RNF180: variants seen among roughly 807,000 people sequenced by gnomAD.
RNF180 encodes ring finger protein 180.
A neutral mutation model predicts 59.2 loss-of-function variants in RNF180; 38 were observed. The observed-to-expected ratio is 0.64, with a 90% CI of 0.50 to 0.84. The LOEUF (loss-of-function observed/expected upper bound fraction) is 0.84. Among genes scored for constraint, RNF180 ranks in the 40% least tolerant of loss-of-function variants. The pLI, the probability that RNF180 is intolerant of heterozygous loss-of-function variation, is 0.00. For synonymous variants in RNF180, 262 were observed against 240.3 expected (o/e 1.09, Z -0.84); for missense variants, 705 against 700.9 (o/e 1.01, Z -0.07).
At chr5:64,358,330 A>G (rs993236385) in intron 7 of RNF180, among the ~76,000 whole-genome samples, 18 of 152,000 alleles carry the variant, frequency 1.2e-4, no homozygotes, top group African/African-American at 3.9e-4. Flanking sequence ...TTCATTGGTC[A>G]AGTCCCATGG....
chr5:64,280,574 T>C (rs557036148), intron 5 of RNF180, among the ~76,000 whole-genome samples: 161 of 152,018 alleles, frequency 1.1e-3, no homozygotes, highest in Non-Finnish European at 1.9e-3. Flanking sequence ...CTTTTCCTCA[T>C]TGTTTTTTTT....
intron 7 of RNF180, among the ~76,000 whole-genome samples, chr5:64,331,756 C>G (rs1431234851): frequency 1.3e-5 from 2 of 152,152 alleles, no homozygotes; most frequent in Non-Finnish European, 2.9e-5. Flanking sequence ...CACCCCCGCC[C>G]CATGCTCGCC....
chr5:64,225,731 GC>G (rs1741688789), intron 5 of RNF180, among the ~76,000 whole-genome samples: 1 of 140,858 alleles, frequency 7.1e-6, no homozygotes, highest in South Asian at 2.3e-4. Context: ...GAAGTGAGGA[GC>G]GCCTCTGCCT....
intron 5 of RNF180, among the ~76,000 whole-genome samples, chr5:64,276,433 A>G (rs549215382): frequency 1.3e-5 from 2 of 151,870 alleles, no homozygotes; most frequent in Non-Finnish European, 2.9e-5. Context: ...AGAAAGGAAT[A>G]AAGCAGGAAA....
intron 5 of RNF180, among the ~76,000 whole-genome samples, chr5:64,218,087 T>C (rs566967075): frequency 6.6e-6 from 1 of 152,332 alleles, no homozygotes; most frequent in African/African-American, 2.4e-5. Context: ...TTTTATTCTC[T>C]TAATTTTTTT....
At chr5:64,326,623 T>G (rs1744656099) in intron 6 of RNF180, among the ~76,000 whole-genome samples, 2 of 152,198 alleles carry the variant, frequency 1.3e-5, no homozygotes, top group Non-Finnish European at 2.9e-5. Context: ...TTCATCCATA[T>G]TTCCGTGAAT....
chr5:64,329,447 C>CT lies in RNF180; in HGVS notation c.1454-825dup, dbSNP rs901482497. Among the ~76,000 whole-genome samples the CT allele has an allele frequency of 1.1e-4, 16 of 146,764 alleles. No individual in the cohort carries two copies. In the East Asian group the frequency reaches 1.6e-3, roughly 15 times the overall value. On this transcript the variant is annotated intron_variant, in intron 6 of 7. Coordinates refer to ENST00000389100, the MANE Select transcript of RNF180 (RefSeq NM_001113561.2). The stretch of plus-strand genomic sequence containing the variant: ...ATTGTGCATTAGTTAGATTTTTTTT[C>CT]TTTTTTTTTCTTTTTTTTTTTTTTT...
At chr5:64,321,145 A>G (rs1744326238) in intron 5 of RNF180, among the ~76,000 whole-genome samples, 1 of 152,118 alleles carries the variant, frequency 6.6e-6, no homozygotes, top group Non-Finnish European at 1.5e-5. Flanking sequence ...CCTATTCAAC[A>G]TAGTATTGGA....
chr5:64,176,531 C>G (rs1460924932), intron 1 of RNF180, among the ~76,000 whole-genome samples: 1 of 152,048 alleles, frequency 6.6e-6, no homozygotes, highest in Non-Finnish European at 1.5e-5. Flanking sequence ...TGTTTTCTTG[C>G]TTTCTTAGAT....
chr5:64,327,786 A>C (rs970918913), intron 6 of RNF180, among the ~76,000 whole-genome samples: 2 of 152,174 alleles, frequency 1.3e-5, no homozygotes, highest in Non-Finnish European at 1.5e-5. Flanking sequence ...TGCTAAGTCC[A>C]TTGGGTCTGT....
chr5:64,186,901 A>G lies in RNF180; in HGVS notation c.1-13907A>G, dbSNP rs554619837. 2.0e-3 allele frequency among the ~76,000 whole-genome samples: 309 copies of G among 152,212 alleles called. 2 individuals are homozygous for G. Among genetic ancestry groups the G allele is most frequent in the Non-Finnish European group, 3.8e-3 (255 of 67,982 alleles). On this transcript the variant is annotated intron_variant, in intron 1 of 7. Transcript: ENST00000389100. ...TACAACTCTCTTAATTCCGCATGCA[A>G]TTTCTACCTTTTCATATATTTTTCC...
At chr5:64,303,291 A>C (rs1178329074) in intron 5 of RNF180, among the ~76,000 whole-genome samples, 1 of 151,504 alleles carries the variant, frequency 6.6e-6, no homozygotes, top group Admixed American at 6.6e-5. Flanking sequence ...TAATAACCCT[A>C]CAGTGGTCTC....
chr5:64,261,982 G>T (rs548944693), intron 5 of RNF180, among the ~76,000 whole-genome samples: 6 of 152,100 alleles, frequency 3.9e-5, no homozygotes, highest in Admixed American at 1.3e-4. Flanking sequence ...CCAGAACAAA[G>T]CTATATTGTT....
intron 1 of RNF180, among the ~76,000 whole-genome samples, chr5:64,197,640 T>TG: frequency 6.6e-6 from 1 of 152,230 alleles, no homozygotes; most frequent in South Asian, 2.1e-4. Flanking sequence ...ATATTCTTTG[T>TG]GGGAAAAAAT....
intron 5 of RNF180, among the ~76,000 whole-genome samples, chr5:64,282,887 G>A (rs1290522775): frequency 1.3e-5 from 2 of 152,102 alleles, no homozygotes; most frequent in African/African-American, 4.8e-5. Context: ...TATGATTTCA[G>A]TTTCTTCAAT....
intron 3 of RNF180, among the ~76,000 whole-genome samples, chr5:64,212,894 A>G (rs1237335334): frequency 6.6e-6 from 1 of 152,242 alleles, no homozygotes; most frequent in Non-Finnish European, 1.5e-5. Context: ...ATCCCTTTTC[A>G]CACTGTAACA....
At chr5:64,365,722 G>A (rs114300105) in intron 7 of RNF180, among the ~76,000 whole-genome samples, 2,085 of 151,488 alleles carry the variant, frequency 0.014, 33 homozygotes, top group African/African-American at 0.033. Flanking sequence ...ACTCTTTACC[G>A]TTATGTAATG....
intron 5 of RNF180, among the ~76,000 whole-genome samples, chr5:64,270,664 G>T (rs1488567450): frequency 6.6e-6 from 1 of 152,038 alleles, no homozygotes; most frequent in African/African-American, 2.4e-5. Context: ...GAAAAGTTGA[G>T]AATTCACTTA....
At position 64,325,217 on chromosome 5, in the gene RNF180, A is replaced by T. The variant is rs1744573607; in HGVS notation, c.1259A>T (p.Asp420Val). Residue 420 changes from aspartate (D) to valine (V), a missense_variant, in exon 6 of 8, where the codon GAC (aspartate) becomes GTC (valine). By Grantham distance (152) the Asp-to-Val change is radical. Transcript: ENST00000389100. The stretch of plus-strand genomic sequence containing the variant: ...AATAATGAGATGAGTACAGATGAAG[A>T]CAATGAATATGCAGAAGAAAAGGAT... ...TLNNEMSTDE[D>V]NEYAEEKDSY... 14 of 1,551,370 alleles carry T rather than the reference A, an allele frequency of 9.0e-6. No homozygotes were observed. The highest frequency in any genetic ancestry group is 1.1e-5 in the Non-Finnish European group (13 of 1,146,570).
Sources: allele counts gnomAD v4.1 joint callset (sites outside exome capture counted in the v4.1 genomes callset), GRCh38; gene constraint gnomAD v4.1.1; transcripts MANE v1.5; gene names NCBI Gene and HGNC (gene_info 2026-07-23, HGNC 2026-07-21).